Variants in CUX2 observed in about 807,000 individuals in gnomAD.
CUX2 encodes the protein cut like homeobox 2.
CUX2 carries 40 observed loss-of-function variants against 144.8 expected under a neutral mutation model. The observed-to-expected ratio is 0.28, with a 90% CI of 0.21 to 0.36. The LOEUF is 0.36. CUX2 is among the 10% of genes least tolerant of loss of function. CUX2 has a pLI of 1.00. For synonymous variants in CUX2, 827 were observed against 875.6 expected, an observed-to-expected ratio of 0.94 and a Z score of 0.98; for missense variants, 1,615 against 1,994.0, an observed-to-expected ratio of 0.81 and a Z score of 3.62.
In CUX2 at chr12:111,171,709, T is replaced by A. The variant is rs1878533247; in HGVS notation, c.64-42491T>A. On this transcript the variant is annotated intron_variant, in intron 1 of 21. Transcript: ENST00000261726. This position sits in a 1 kb window ranked among gnomAD's most constrained non-coding sequence, Gnocchi z 5.0. ...CATAATTAGGGGCTCAGTGTCACCT[T>A]TGTCCAGTGCCTGAGCTGAGAACAG... 6.6e-6 allele frequency among the ~76,000 whole-genome samples: 1 copy of A among 152,190 alleles called. No homozygotes were observed. The highest frequency in any genetic ancestry group is 1.5e-5 in the Non-Finnish European group (1 of 68,028).
chr12:111,238,431 G>A (rs1366863334), intron 3 of CUX2, among the ~76,000 whole-genome samples: 1 of 152,202 alleles, frequency 6.6e-6, no homozygotes, highest in African/African-American at 2.4e-5. Context: ...GTCTTTTGCA[G>A]ATACCACTTC....
Position 111,310,563 on chromosome 12 carries a change from G to A in CUX2, c.1781G>A (p.Arg594Gln). Residue 594 changes from arginine to glutamine, a missense_variant, in exon 15 of 22, where the codon CGG becomes CAG. This residue lies in a region of CUX2 where 71 missense variants were observed against 142.3 expected (regional missense o/e 0.50). Transcript: ENST00000261726. The surrounding 1 kb of genome is among the most constrained non-coding windows in gnomAD (Gnocchi z 7.9). Reference protein sequence around the residue: ...SQGSVSEILARPKPWRKLTVK... With the variant: ...SQGSVSEILAQPKPWRKLTVK... The stretch of plus-strand genomic sequence containing the variant: ...GGCTCGGTCAGCGAGATCCTAGCCC[G>A]GCCCAAGCCCTGGCGCAAGCTCACG... 6.2e-7 allele frequency: 1 copy of A among 1,613,934 alleles called. No individual in the cohort carries two copies.
At chr12:111,175,582 C>T (rs913282331) in intron 1 of CUX2, among the ~76,000 whole-genome samples, 4 of 152,026 alleles carry the variant, frequency 2.6e-5, no homozygotes, top group South Asian at 2.1e-4. Context: ...GGCTTGGTCA[C>T]GCGGCAATAT....
At chr12:111,172,529 CTT>C (rs1201279858) in intron 1 of CUX2, among the ~76,000 whole-genome samples, 4 of 152,182 alleles carry the variant, frequency 2.6e-5, no homozygotes, top group Admixed American at 1.3e-4. Context: ...ACCTGTTTGT[CTT>C]GATGGAAATG....
rs116274578 is a variant in CUX2, at chr12:111,143,161, C to T, written c.64-71039C>T. On this transcript the variant is annotated intron_variant, in intron 1 of 21. Transcript: ENST00000261726. ...TCCTGTCTGAATTTGCTCCTGGCTT[C>T]GGGGCTGGTATCCAGCAACCAGCAA... 4.7e-3 allele frequency among the ~76,000 whole-genome samples: 718 copies of T among 152,234 alleles called. 6 individuals are homozygous for T. The highest frequency in any genetic ancestry group is 0.016 in the African/African-American group (667 of 41,540).
At chr12:111,199,278 A>G (rs923038243) in intron 1 of CUX2, among the ~76,000 whole-genome samples, 9 of 152,176 alleles carry the variant, frequency 5.9e-5, no homozygotes. Context: ...AGAGCTAGCA[A>G]GAGCAGCAAG....
chr12:111,236,502 A>G (rs1278803391), intron 3 of CUX2, among the ~76,000 whole-genome samples: 1 of 152,184 alleles, frequency 6.6e-6, no homozygotes, highest in Non-Finnish European at 1.5e-5. Flanking sequence ...TCAGTTACAC[A>G]GAGCAGATCT....
chr12:111,174,909 G>A (rs1410953306), intron 1 of CUX2, among the ~76,000 whole-genome samples: 1 of 152,216 alleles, frequency 6.6e-6, no homozygotes, highest in Non-Finnish European at 1.5e-5. Context: ...GCAGTTTCCT[G>A]TGGTTCAACT....
At chr12:111,249,218 C>G (rs756187553) in intron 3 of CUX2, among the ~76,000 whole-genome samples, 1 of 152,086 alleles carries the variant, frequency 6.6e-6, no homozygotes, top group Non-Finnish European at 1.5e-5. Flanking sequence ...CTCTGGAGCC[C>G]GGGCTGGAAA....
In CUX2 at chr12:111,310,246, G is replaced by A; in HGVS notation, c.1464G>A (p.Glu488=). Residue 488 remains glutamate (E), a synonymous_variant, in exon 15 of 22, where the codon GAG becomes GAA. Transcript: ENST00000261726. The surrounding 1 kb of genome is among the most constrained non-coding windows in gnomAD (Gnocchi z 7.9). ...CCTTCCCCAGCCTGGCATCAGGGGA[G>A]AGACTGATGATGCCCCCAGCCGCCT... ...LSPFPSLASG[E]RLMMPPAAFK... The A allele has an allele frequency of 6.6e-7, 1 of 1,508,862 alleles. No homozygotes were observed. Among genetic ancestry groups the A allele is most frequent in the Non-Finnish European group, 8.9e-7 (1 of 1,128,426 alleles). 93.5% of individuals were successfully genotyped at this position (1,508,862 alleles called of 1,614,324 possible). A position where few individuals can be genotyped will look rare whatever the true frequency, so the allele number is the denominator to read the frequency against.
In CUX2 at chr12:111,312,126, C is replaced by A; in HGVS notation, c.1927C>A (p.Pro643Thr). Residue 643 changes from proline to threonine, a missense_variant, in exon 16 of 22, where the codon CCT (proline) becomes ACT (threonine). Around this residue, in one of 12 missense-constraint regions of CUX2, gnomAD observed 71 missense variants for 142.3 expected, o/e 0.50. Coordinates refer to ENST00000261726, the MANE Select transcript of CUX2 (RefSeq NM_015267.4). The surrounding 1 kb of genome is among the most constrained non-coding windows in gnomAD (Gnocchi z 4.3). ...CAGCATCACCCCGAGAATCCGCACG[C>A]CTGAGACAGGCTCAGACGACGCCAT... ...RGSITPRIRT[P>T]ETGSDDAIKS... is the part of the protein sequence containing the mutation. 6.2e-7 allele frequency: 1 copy of A among 1,612,086 alleles called. No individual in the cohort carries two copies. Among genetic ancestry groups the A allele is most frequent in the Non-Finnish European group, 8.5e-7 (1 of 1,178,474 alleles).
rs986641101 is a variant in CUX2, at chr12:111,263,565, C to T, written c.223-196C>T. Among the ~76,000 whole-genome samples, 3 of 152,058 alleles carry T rather than the reference C, an allele frequency of 2.0e-5. No individual in the cohort carries two copies. Among genetic ancestry groups the T allele is most frequent in the African/African-American group, 4.8e-5 (2 of 41,374 alleles). On this transcript the variant is annotated intron_variant, in intron 3 of 21. Coordinates refer to ENST00000261726, the MANE Select transcript of CUX2 (RefSeq NM_015267.4). This position sits in a 1 kb window ranked among gnomAD's most constrained non-coding sequence, Gnocchi z 4.0. ...ACTTGAACCCAGGAGGCGGAGGTTA[C>T]AGTGAGCTGAGATCATTCTATGGCA...
At chr12:111,218,760 A>ACATTC (rs1354884283) in intron 3 of CUX2, among the ~76,000 whole-genome samples, 1 of 152,200 alleles carries the variant, frequency 6.6e-6, no homozygotes, top group Non-Finnish European at 1.5e-5. Context: ...GACATTGTCC[A>ACATTC]CATTCTTTCC....
intron 10 of CUX2, among the ~76,000 whole-genome samples, chr12:111,306,464 T>G (rs1886587664): frequency 6.6e-6 from 1 of 152,082 alleles, no homozygotes; most frequent in Non-Finnish European, 1.5e-5. Context: ...GGAGAAGCCA[T>G]GGGTCTTGGG....
At chr12:111,259,725 G>T (rs1884015144) in intron 3 of CUX2, among the ~76,000 whole-genome samples, 1 of 149,698 alleles carries the variant, frequency 6.7e-6, no homozygotes, top group African/African-American at 2.5e-5. Flanking sequence ...TTAGCCAGGT[G>T]TGTGGTGCAC....
rs1305431780 is a variant in CUX2, at chr12:111,034,512, G to T, written c.63+272G>T. 6.6e-6 allele frequency among the ~76,000 whole-genome samples: 1 copy of T among 151,696 alleles called. No homozygotes were observed. Among genetic ancestry groups the T allele is most frequent in the African/African-American group, 2.4e-5 (1 of 41,402 alleles). On this transcript the variant is annotated intron_variant, in intron 1 of 21. Coordinates refer to ENST00000261726, the MANE Select transcript of CUX2 (RefSeq NM_015267.4). The surrounding 1 kb of genome is among the most constrained non-coding windows in gnomAD (Gnocchi z 4.2). ...GGTCGGCGGAGCGGCCGAGCGGCCA[G>T]GCGGCCGGGCGAGGAGCGGGGAAGG... is the stretch of plus-strand genomic sequence containing the variant.
chr12:111,251,757 C>G (rs1429537372), intron 3 of CUX2, among the ~76,000 whole-genome samples: 1 of 152,144 alleles, frequency 6.6e-6, no homozygotes, highest in African/African-American at 2.4e-5. Context: ...TCAGCCAGAG[C>G]CTGGGTGGGT....
intron 3 of CUX2, among the ~76,000 whole-genome samples, chr12:111,247,764 C>T (rs1243227844): frequency 1.3e-5 from 2 of 152,128 alleles, no homozygotes; most frequent in Non-Finnish European, 2.9e-5. Context: ...GTTCCAGGGG[C>T]GTCCACCCCT....
chr12:111,213,418 C>G (rs1294619721), intron 1 of CUX2, among the ~76,000 whole-genome samples: 1 of 152,134 alleles, frequency 6.6e-6, no homozygotes, highest in Non-Finnish European at 1.5e-5. Flanking sequence ...TGTGTGTGAG[C>G]CGAAGCATCC....
Sources: allele counts gnomAD v4.1 joint callset (sites outside exome capture counted in the v4.1 genomes callset), GRCh38; gene constraint gnomAD v4.1.1; regional missense constraint gnomAD v4.1.1; non-coding constraint Gnocchi (gnomAD v3.1); transcripts MANE v1.5; gene names NCBI Gene and HGNC (gene_info 2026-07-23, HGNC 2026-07-21).